RBBP4: variants seen among roughly 807,000 people sequenced by gnomAD.
RBBP4 encodes RB binding protein 4, chromatin remodeling factor.
RBBP4 carries 3 observed loss-of-function variants against 57.2 expected under a neutral mutation model. The ratio of observed to expected loss-of-function variants is 0.05; its 90% CI spans 0.02 to 0.14. The LOEUF (loss-of-function observed/expected upper bound fraction) is 0.14. Among genes scored for constraint, RBBP4 ranks in the 10% least tolerant of loss-of-function variants. The probability of loss-of-function intolerance (pLI) is 1.00; values close to 1 mark genes in which losing one functional copy is unlikely to be tolerated. For synonymous variants in RBBP4, 151 were observed against 171.5 expected (o/e 0.88, Z 0.93); for missense variants, 107 against 520.6 (o/e 0.21, Z 7.73).
chr1:32,651,301 C>G lies in RBBP4; in HGVS notation c.-6C>G, dbSNP rs1336694723. Reference sequence around the variant, plus strand: ...CCCCAGGATTCCCCCGGCTCGCCTGCCCGCCATGGCCGACAAGGAAGGTGA... The same window carrying G: ...CCCCAGGATTCCCCCGGCTCGCCTGGCCGCCATGGCCGACAAGGAAGGTGA... On this transcript the variant is annotated 5_prime_UTR_variant, in exon 1 of 12. Coordinates refer to ENST00000373493, the MANE Select transcript of RBBP4 (RefSeq NM_005610.3). The G allele has an allele frequency of 6.8e-7, 1 of 1,474,890 alleles. No individual in the cohort carries two copies. The highest frequency in any genetic ancestry group is 9.0e-7 in the Non-Finnish European group (1 of 1,113,870). 91.4% of individuals were successfully genotyped at this position (1,474,890 alleles called of 1,614,324 possible).
intron 3 of RBBP4, among the ~76,000 whole-genome samples, chr1:32,666,033 G>T (rs545279913): frequency 3.3e-5 from 5 of 152,318 alleles, no homozygotes; most frequent in Non-Finnish European, 7.3e-5. Context: ...TAGTAGTCAT[G>T]TGTGAATAAA....
chr1:32,656,287 C>T (rs1648135185), intron 2 of RBBP4, among the ~76,000 whole-genome samples: 1 of 151,936 alleles, frequency 6.6e-6, no homozygotes, highest in Non-Finnish European at 1.5e-5. Flanking sequence ...CTCCGCCTTT[C>T]GGGTTCAAGC....
Position 32,669,196 on chromosome 1 carries a change from C to T in RBBP4, c.762-35C>T. On this transcript the variant is annotated intron_variant, in intron 6 of 11. Transcript: ENST00000373493. The surrounding 1 kb of genome is among the most constrained non-coding windows in gnomAD (Gnocchi z 4.9). Reference sequence around the variant, plus strand: ...TAAGTTTTATGTTTAGTCACCATTTCAAGGTTTTTTTCCTTTGTTTTTTTT... The same window carrying T: ...TAAGTTTTATGTTTAGTCACCATTTTAAGGTTTTTTTCCTTTGTTTTTTTT... 3 of 1,610,188 alleles carry T rather than the reference C, an allele frequency of 1.9e-6. No homozygotes were observed. Among genetic ancestry groups the T allele is most frequent in the South Asian group, 1.1e-5 (1 of 90,004 alleles).
intron 3 of RBBP4, 73 bp downstream of exon 3, chr1:32,657,645 C>T (rs749638777): frequency 2.0e-6 from 3 of 1,481,072 alleles, no homozygotes; most frequent in Non-Finnish European, 2.7e-6. Context: ...ATAAAGTAAA[C>T]TCTGACTTTA....
intron 11 of RBBP4, 82 bp from the exon 12 acceptor site, chr1:32,679,558 C>A: frequency 7.9e-7 from 1 of 1,272,768 alleles, no homozygotes; most frequent in Non-Finnish European, 1.1e-6. Flanking sequence ...TACTCTCTGG[C>A]TTCCTGGCCT....
Position 32,668,240 on chromosome 1 carries a change from G to T in RBBP4, c.326G>T (p.Gly109Val). ...TTATTCACAGAATTTGGAGGTTTTGGTTCAGTTAGTGGAAAAATTGAAATA... is the reference window on the plus strand; with the variant it reads ...TTATTCACAGAATTTGGAGGTTTTGTTTCAGTTAGTGGAAAAATTGAAATA... Reference protein sequence around the residue: ...DSEKGEFGGFGSVSGKIEIEI... With the variant: ...DSEKGEFGGFVSVSGKIEIEI... Residue 109 changes from glycine to valine, a missense_variant, in exon 4 of 12, where the codon GGT (glycine) becomes GTT (valine). Physicochemically the swap from Gly to Val is moderately radical, Grantham distance 109 (BLOSUM62 -3). Around this residue, in one of 3 missense-constraint regions of RBBP4, gnomAD observed 92 missense variants for 408.5 expected, o/e 0.23. Transcript: ENST00000373493. The T allele has an allele frequency of 1.2e-6, 2 of 1,611,972 alleles. No individual in the cohort carries two copies. Among genetic ancestry groups the T allele is most frequent in the Non-Finnish European group, 1.7e-6 (2 of 1,179,058 alleles).
intron 3 of RBBP4, among the ~76,000 whole-genome samples, chr1:32,659,128 C>T (rs1213596609): frequency 6.8e-6 from 1 of 146,206 alleles, no homozygotes; most frequent in African/African-American, 2.5e-5. Flanking sequence ...TTTATATATA[C>T]ATATAAATTT....
intron 9 of RBBP4, 43 bp from the exon 10 acceptor site, chr1:32,672,599 G>C (rs1445177045): frequency 1.2e-6 from 2 of 1,604,480 alleles, no homozygotes; most frequent in Admixed American, 3.3e-5. Flanking sequence ...TAGTTACTAA[G>C]GGTAAATCTG....
chr1:32,651,406 G>T, intron 1 of RBBP4, 84 bp downstream of exon 1: 3 of 1,386,872 alleles, frequency 2.2e-6, no homozygotes, highest in Non-Finnish European at 2.8e-6. Context: ...GTGAGGGCAG[G>T]CCCGAGTTTG....
intron 3 of RBBP4, 111 bp from the exon 4 acceptor site, chr1:32,668,114 T>A: frequency 1.0e-6 from 1 of 974,408 alleles, no homozygotes; most frequent in Non-Finnish European, 1.5e-6. Context: ...ACATCTAGTA[T>A]TATGCCAGTT....
intron 8 of RBBP4, among the ~76,000 whole-genome samples, chr1:32,670,057 C>T (rs1346116905): frequency 6.6e-6 from 1 of 152,042 alleles, no homozygotes; most frequent in Admixed American, 6.6e-5. Context: ...TTACATTCTT[C>T]AGATATTAAG....
chr1:32,678,949 A>G (rs890692794), intron 11 of RBBP4, among the ~76,000 whole-genome samples: 1 of 152,054 alleles, frequency 6.6e-6, no homozygotes, highest in Admixed American at 6.6e-5. Flanking sequence ...CCGTGTATCC[A>G]TTTTAGTAGT....
At chr1:32,667,201 A>G (rs976406901) in intron 3 of RBBP4, among the ~76,000 whole-genome samples, 14 of 152,214 alleles carry the variant, frequency 9.2e-5, no homozygotes, top group Non-Finnish European at 1.5e-4. Flanking sequence ...TTCAGTGGTC[A>G]TGCTCCTTGT....
chr1:32,665,958 C>T (rs970727613), intron 3 of RBBP4, among the ~76,000 whole-genome samples: 6 of 152,176 alleles, frequency 3.9e-5, no homozygotes, highest in African/African-American at 1.4e-4. Context: ...CCAAGATTTA[C>T]ATAATCACAC....
At chr1:32,673,517 A>G (rs1280782435) in intron 11 of RBBP4, 2 of 418,524 alleles carry the variant, frequency 4.8e-6, no homozygotes, top group Non-Finnish European at 9.3e-6. Flanking sequence ...GGCTCACTGC[A>G]ACTTCCACCT....
At chr1:32,664,087 C>G (rs1281409251) in intron 3 of RBBP4, among the ~76,000 whole-genome samples, 1 of 151,816 alleles carries the variant, frequency 6.6e-6, no homozygotes. Flanking sequence ...CCACCACGCC[C>G]GGCTAATTTT....
chr1:32,656,581 A>G (rs1648150804), intron 2 of RBBP4, among the ~76,000 whole-genome samples: 1 of 152,050 alleles, frequency 6.6e-6, no homozygotes, highest in Admixed American at 6.6e-5. Flanking sequence ...CGAATTCCTG[A>G]CCTCAATTAA....
chr1:32,661,870 C>CTTTTTTTTTTTTTT (rs71006354), intron 3 of RBBP4, among the ~76,000 whole-genome samples: 1 of 49,288 alleles, frequency 2.0e-5, no homozygotes, highest in African/African-American at 9.0e-5. Context: ...CCTTTGCCCA[C>CTTTTTTTTTTTTTT]TTTTTTTTTT....
At chr1:32,651,407 C>T (rs1647615155) in intron 1 of RBBP4, 85 bp downstream of exon 1, 5 of 1,386,202 alleles carry the variant, frequency 3.6e-6, no homozygotes, top group Non-Finnish European at 3.7e-6. Context: ...TGAGGGCAGG[C>T]CCGAGTTTGC....
Sources: gnomAD v4.1 joint callset for allele counts (sites outside exome capture counted in the v4.1 genomes callset) on GRCh38, gnomAD v4.1.1 for gene constraint, gnomAD v4.1.1 regional missense constraint, Gnocchi (gnomAD v3.1) non-coding constraint, MANE v1.5 for transcripts, NCBI Gene and HGNC (gene_info 2026-07-23, HGNC 2026-07-21) for gene names.